The following IFT172 variants were observed in gnomAD, a reference collection of about 807,000 sequenced individuals.
IFT172 encodes intraflagellar transport 172.
IFT172 carries 164 observed loss-of-function variants against 248.9 expected under a neutral mutation model. That is an observed-to-expected ratio of 0.66 (90% CI 0.58 to 0.75). The LOEUF (loss-of-function observed/expected upper bound fraction) is 0.75. Ranked by LOEUF, IFT172 falls within the 30% of genes least tolerant of loss-of-function variation. The pLI, the probability that IFT172 is intolerant of heterozygous loss-of-function variation, is 0.00. For missense variants in IFT172, 1,950 were observed against 2,192.4 expected (o/e 0.89, Z 2.21); for synonymous variants, 729 against 791.6 (o/e 0.92, Z 1.33).
chr2:27,459,271 C>G (rs576225942), intron 25 of IFT172, 107 bp downstream of exon 25: 2 of 1,384,944 alleles, frequency 1.4e-6, no homozygotes, highest in African/African-American at 2.9e-5. Context: ...CTGTTTGGAG[C>G]CCAGAAAGAA....
intron 33 of IFT172, 52 bp downstream of exon 33, chr2:27,453,930 G>A (rs1327038221): frequency 6.4e-7 from 1 of 1,552,400 alleles, no homozygotes. Context: ...GCTCTCTGTG[G>A]GCTCTTACAA....
At chr2:27,444,905 T>G in intron 47 of IFT172, 109 bp downstream of exon 47, 1 of 1,234,050 alleles carries the variant, frequency 8.1e-7, no homozygotes, top group South Asian at 1.5e-5. Context: ...CACCTTGGCC[T>G]CCCAAAGTGC....
At chr2:27,461,142 T>C in intron 22 of IFT172, 49 bp from the exon 23 acceptor site, 2 of 1,613,760 alleles carry the variant, frequency 1.2e-6, no homozygotes, top group Non-Finnish European at 1.7e-6. Context: ...CACAAAGAAC[T>C]AAGTATTAGC....
intron 25 of IFT172, 135 bp downstream of exon 25, chr2:27,459,243 C>G: frequency 9.1e-7 from 1 of 1,104,428 alleles, no homozygotes; most frequent in Non-Finnish European, 1.3e-6. Context: ...TGTTCTCTTC[C>G]CCTTCAAGGT....
Position 27,459,385 on chromosome 2 carries a change from TC to T in IFT172, c.2779del (p.Glu927SerfsTer19). Reference protein sequence around the residue: ...LVAQHYASLQEYEIAEELYTK... With the variant: ...LVAQHYASLQXYEIAEELYTK... The stretch of plus-strand genomic sequence containing the variant: ...AAAGGGACTCTTCCTCACCTCATAC[TC>T]CTGCAGGGATGCATAGTGTTGGGCC... On this transcript the variant is annotated frameshift_variant, in exon 25 of 48. Transcript: ENST00000260570. LOFTEE classifies it high-confidence loss of function. The T allele has an allele frequency of 6.2e-7, 1 of 1,614,172 alleles. No individual in the cohort carries two copies. Among genetic ancestry groups the T allele is most frequent in the East Asian group, 2.2e-5 (1 of 44,874 alleles).
At chr2:27,475,921 T>C (rs1239977894) in intron 14 of IFT172, among the ~76,000 whole-genome samples, 1 of 152,068 alleles carries the variant, frequency 6.6e-6, no homozygotes, top group Non-Finnish European at 1.5e-5. Flanking sequence ...TGTGAGCCAC[T>C]GTGCCTGGCC....
Position 27,485,150 on chromosome 2 carries a change from A to G in IFT172, c.184-20T>C. ...GCCATACTAAGAGTTTAAAAAAAAA[A>G]AAAGAAAGAAAAAGAAGTAATGAGT... On this transcript the variant is annotated intron_variant, in intron 2 of 47. Transcript: ENST00000260570. 7 of 1,516,854 alleles carry G rather than the reference A, an allele frequency of 4.6e-6. No homozygotes were observed. Among genetic ancestry groups the G allele is most frequent in the Non-Finnish European group, 6.3e-6 (7 of 1,106,750 alleles). 94.0% of individuals were successfully genotyped at this position (1,516,854 alleles called of 1,614,324 possible).
rs1665298378 is a variant in IFT172, at chr2:27,447,938, A to T, written c.4429-16T>A. The T allele has an allele frequency of 1.4e-6, 2 of 1,479,176 alleles. No individual in the cohort carries two copies. The highest frequency in any genetic ancestry group is 1.4e-5 in the African/African-American group (1 of 72,394). 91.6% of individuals were successfully genotyped at this position (1,479,176 alleles called of 1,614,324 possible). A position where few individuals can be genotyped will look rare whatever the true frequency, so the allele number is the denominator to read the frequency against. On this transcript the variant is annotated splice_polypyrimidine_tract_variant and intron_variant, in intron 40 of 47. Transcript: ENST00000260570. ...TATTGAAGTTCTAGAGGTAGAGGGAAGAAGGGGATCTGAGAAGGGCATAGC... is the reference window on the plus strand; with the variant it reads ...TATTGAAGTTCTAGAGGTAGAGGGATGAAGGGGATCTGAGAAGGGCATAGC...
At chr2:27,451,667 G>A (rs1036509007) in intron 35 of IFT172, among the ~76,000 whole-genome samples, 15 of 152,192 alleles carry the variant, frequency 9.9e-5, no homozygotes, top group African/African-American at 3.4e-4. Flanking sequence ...TCAGGAGGCT[G>A]TGGCAGGAGA....
At chr2:27,444,953 T>G in intron 47 of IFT172, 61 bp downstream of exon 47, 2 of 1,571,018 alleles carry the variant, frequency 1.3e-6, no homozygotes, top group Non-Finnish European at 1.7e-6. Flanking sequence ...CCAGACTTGT[T>G]TTTTTTTCTT....
At position 27,477,989 on chromosome 2, in the gene IFT172, T is replaced by C. The variant is rs1668090674; in HGVS notation, c.1167+6A>G. On this transcript the variant is annotated splice_donor_region_variant and intron_variant, in intron 11 of 47. Transcript: ENST00000260570. The stretch of plus-strand genomic sequence containing the variant: ...TCCCCACCCTACCCTCAATTTTGGT[T>C]CCTACCTCACTAAGCCGATTAGTGT... The C allele has an allele frequency of 6.2e-7, 1 of 1,613,978 alleles. No individual in the cohort carries two copies. The highest frequency in any genetic ancestry group is 1.3e-5 in the African/African-American group (1 of 74,904).
intron 18 of IFT172, among the ~76,000 whole-genome samples, chr2:27,464,809 G>C (rs1014068374): frequency 2.3e-4 from 35 of 152,192 alleles, no homozygotes; most frequent in African/African-American, 8.2e-4. Context: ...GTAGAGCTGA[G>C]GTTTTGCCAT....
At chr2:27,455,247 C>A in intron 30 of IFT172, 2 of 352,132 alleles carry the variant, frequency 5.7e-6, no homozygotes, top group Non-Finnish European at 5.4e-6. Context: ...AGGCTGTGCT[C>A]CAAAGTCATC....
At chr2:27,450,244 C>G (rs1336569540) in intron 35 of IFT172, 148 bp from the exon 36 acceptor site, 3 of 610,462 alleles carry the variant, frequency 4.9e-6, no homozygotes, top group Non-Finnish European at 8.8e-6. Flanking sequence ...TGGGCAAAAC[C>G]TGGCTCATGG....
rs139088467 is a variant in IFT172, at chr2:27,487,711, G to C, written c.39+1904C>G. On this transcript the variant is annotated intron_variant, in intron 1 of 47. Transcript: ENST00000260570. ...GAGTTCAAGCGATTCTCCTGCCTCAGCCTCCCGAGTAGCTGGGATTACAGG... is the reference window on the plus strand; with the variant it reads ...GAGTTCAAGCGATTCTCCTGCCTCACCCTCCCGAGTAGCTGGGATTACAGG... Among the ~76,000 whole-genome samples, 305 of 151,478 alleles carry C rather than the reference G, an allele frequency of 2.0e-3. 4 individuals carry two copies. Among genetic ancestry groups the C allele is most frequent in the East Asian group, 0.019 (97 of 5,016 alleles).
intron 19 of IFT172, 112 bp from the exon 20 acceptor site, chr2:27,462,905 A>C (rs1666792714): frequency 8.2e-7 from 1 of 1,219,856 alleles, no homozygotes; most frequent in Non-Finnish European, 1.2e-6. Flanking sequence ...TGGGAAGGTA[A>C]AACACTTCAT....
chr2:27,472,084 T>G, intron 15 of IFT172, 166 bp downstream of exon 15: 2 of 619,454 alleles, frequency 3.2e-6, no homozygotes, highest in South Asian at 2.0e-5. Context: ...TTGCTATCAG[T>G]TTTGGTATCA....
chr2:27,484,447 CG>C (rs1400355946), intron 3 of IFT172, among the ~76,000 whole-genome samples, 181 bp from the exon 4 acceptor site: 2 of 151,910 alleles, frequency 1.3e-5, no homozygotes, highest in African/African-American at 2.4e-5. Flanking sequence ...AAAAATTAGC[CG>C]GGTGTGGTGG....
rs974687780 is a variant in IFT172, at chr2:27,478,176, G to T, written c.1006-20C>A. 4 of 1,613,666 alleles carry T rather than the reference G, an allele frequency of 2.5e-6. No individual in the cohort carries two copies. Among genetic ancestry groups the T allele is most frequent in the Non-Finnish European group, 3.4e-6 (4 of 1,179,810 alleles). The stretch of plus-strand genomic sequence containing the variant: ...AATCACCTTGGTAAAGGACAAGTGT[G>T]AGCCCCTTAGGCTTCCCCAGCCCAA... On this transcript the variant is annotated intron_variant, in intron 10 of 47. Coordinates refer to ENST00000260570, the MANE Select transcript of IFT172 (RefSeq NM_015662.3).
Sources: allele counts gnomAD v4.1 joint callset (sites outside exome capture counted in the v4.1 genomes callset), GRCh38; gene constraint gnomAD v4.1.1; transcripts MANE v1.5; gene names NCBI Gene and HGNC (gene_info 2026-07-23, HGNC 2026-07-21).